The following DGKI variants were observed in gnomAD, a reference collection of about 807,000 sequenced individuals.
DGKI encodes DAG kinase iota.
DGKI carries 55 observed loss-of-function variants against 147.5 expected under a neutral mutation model. The ratio of observed to expected loss-of-function variants is 0.37; its 90% CI spans 0.30 to 0.47. The LOEUF (loss-of-function observed/expected upper bound fraction) is 0.47, where lower values mean the gene tolerates loss of function less well. Among genes scored for constraint, DGKI ranks in the 20% least tolerant of loss-of-function variants. The pLI is 1.00. For synonymous variants in DGKI, 469 were observed against 477.1 expected (o/e 0.98, Z 0.22); for missense variants, 1,007 against 1,323.8 (o/e 0.76, Z 3.71).
At chr7:137,605,371 AAAAT>A (rs1820147504) in intron 10 of DGKI, among the ~76,000 whole-genome samples, 1 of 144,718 alleles carries the variant, frequency 6.9e-6, no homozygotes, top group African/African-American at 2.6e-5. Context: ...AAAATAAAAT[AAAAT>A]AAAAAAAGTT....
chr7:137,580,136 TTTAGACC>T (rs1819138379), intron 15 of DGKI, among the ~76,000 whole-genome samples: 1 of 152,114 alleles, frequency 6.6e-6, no homozygotes, highest in Non-Finnish European at 1.5e-5. Flanking sequence ...CACTTATTCA[TTTAGACC>T]TCTTTTCATG....
chr7:137,747,410 C>T (rs578023517), intron 1 of DGKI, among the ~76,000 whole-genome samples: 5 of 152,214 alleles, frequency 3.3e-5, no homozygotes, highest in South Asian at 2.1e-4. Context: ...AACATAAGGC[C>T]GATTCACACT....
At chr7:137,828,934 G>A (rs1478854666) in intron 1 of DGKI, among the ~76,000 whole-genome samples, 1 of 152,184 alleles carries the variant, frequency 6.6e-6, no homozygotes, top group Non-Finnish European at 1.5e-5. Context: ...ATAACCTGAA[G>A]CTACACATCC....
chr7:137,517,323 GAA>G (rs1339769556), intron 21 of DGKI, among the ~76,000 whole-genome samples: 85 of 99,768 alleles, frequency 8.5e-4, no homozygotes, highest in East Asian at 2.8e-3. Context: ...AAGAAAGAAA[GAA>G]AGAAAGAAAG....
chr7:137,714,068 G>A (rs1043523036), intron 1 of DGKI, among the ~76,000 whole-genome samples: 1 of 152,140 alleles, frequency 6.6e-6, no homozygotes, highest in African/African-American at 2.4e-5. Flanking sequence ...CTTACTATCT[G>A]TGGTATAATT....
intron 20 of DGKI, among the ~76,000 whole-genome samples, chr7:137,544,472 T>C (rs1817802152): frequency 1.3e-5 from 2 of 152,206 alleles, no homozygotes; most frequent in East Asian, 1.9e-4. Flanking sequence ...TGCTTACCAC[T>C]AGACACAGAG....
intron 1 of DGKI, among the ~76,000 whole-genome samples, chr7:137,796,718 G>A (rs1365067972): frequency 1.3e-5 from 2 of 152,022 alleles, no homozygotes; most frequent in Non-Finnish European, 2.9e-5. Context: ...GCGGACAGAA[G>A]AAAGAATTAA....
In DGKI at chr7:137,462,853, G is replaced by A. The variant is rs539135359; in HGVS notation, c.2735+636C>T. ...GAGATGATAGGGAGGTGGATTCACC[G>A]AGCACAAAGGTATCGACACTGCTGT... On this transcript the variant is annotated intron_variant, in intron 27 of 32. Transcript: ENST00000614521. 5.3e-5 allele frequency among the ~76,000 whole-genome samples: 8 copies of A among 152,254 alleles called. No homozygotes were observed. In the South Asian group the frequency reaches 1.2e-3, roughly 24 times the overall value.
At chr7:137,541,669 T>G (rs1490756581) in intron 20 of DGKI, among the ~76,000 whole-genome samples, 1 of 152,160 alleles carries the variant, frequency 6.6e-6, no homozygotes, top group Non-Finnish European at 1.5e-5. Flanking sequence ...AAGATAATTT[T>G]TTCATAAATG....
intron 1 of DGKI, among the ~76,000 whole-genome samples, chr7:137,715,074 T>C (rs12056089): frequency 0.37 from 55,503 of 152,054 alleles, 10,461 homozygotes; most frequent in South Asian, 0.5. Flanking sequence ...TCCCATAATA[T>C]AATCACCCCT....
Position 137,846,450 on chromosome 7 carries a change from C to G in DGKI, c.401+12G>C, listed in dbSNP as rs1399588135. ...GGCGCACCTGTCTCGGCTGCCGGCT[C>G]CCCGCACCTACCTGTACGAGACCTG... On this transcript the variant is annotated intron_variant, in intron 1 of 32. Transcript: ENST00000614521. The surrounding 1 kb of genome is among the most constrained non-coding windows in gnomAD (Gnocchi z 4.0). The G allele has an allele frequency of 1.3e-6, 2 of 1,577,054 alleles. No homozygotes were observed. The highest frequency in any genetic ancestry group is 2.2e-5 in the South Asian group (2 of 90,514).
chr7:137,420,653 C>T (rs1466378819), intron 28 of DGKI, among the ~76,000 whole-genome samples: 4 of 151,984 alleles, frequency 2.6e-5, no homozygotes, highest in Non-Finnish European at 5.9e-5. Context: ...AGGGGGAAGA[C>T]CAGGCAATGG....
chr7:137,722,782 C>G (rs781559060), intron 1 of DGKI: 102 of 1,381,386 alleles, frequency 7.4e-5, no homozygotes, highest in Non-Finnish European at 9.6e-5. Flanking sequence ...AGCTATTCCT[C>G]AGCTCCAGGG....
At chr7:137,716,062 G>A (rs1186422113) in intron 1 of DGKI, among the ~76,000 whole-genome samples, 1 of 152,196 alleles carries the variant, frequency 6.6e-6, no homozygotes, top group Non-Finnish European at 1.5e-5. Flanking sequence ...GCAAGAGTTT[G>A]AAGCTCTGAA....
rs892994996 is a variant in DGKI, at chr7:137,383,627, C to T, written c.*7593G>A. 6.6e-6 allele frequency: 1 copy of T among 151,928 alleles called. No individual in the cohort carries two copies. Among genetic ancestry groups the T allele is most frequent in the Non-Finnish European group, 1.5e-5 (1 of 67,904 alleles). The allele number at this position is 151,928 out of a possible 1,614,324, so 9.4% of individuals were successfully genotyped here. A position where few individuals can be genotyped will look rare whatever the true frequency, so the allele number is the denominator to read the frequency against. On this transcript the variant is annotated 3_prime_UTR_variant, in exon 33 of 33. Transcript: ENST00000614521. ...ATCTTCACTTAACTACTAGAAGAAA[C>T]AGTGATAACAACTTCACTGTTTTTC...
At chr7:137,683,443 A>G (rs1019448518) in intron 2 of DGKI, among the ~76,000 whole-genome samples, 2 of 152,028 alleles carry the variant, frequency 1.3e-5, no homozygotes, top group East Asian at 3.9e-4. Context: ...TGGCATCACC[A>G]CAGCTCACTG....
intron 1 of DGKI, among the ~76,000 whole-genome samples, chr7:137,755,496 G>A (rs1296700727): frequency 1.3e-5 from 2 of 152,190 alleles, no homozygotes; most frequent in African/African-American, 4.8e-5. Context: ...TGAGATCTTT[G>A]CCTTGGTCAC....
At chr7:137,450,703 C>T (rs1368739191) in intron 27 of DGKI, among the ~76,000 whole-genome samples, 1 of 151,984 alleles carries the variant, frequency 6.6e-6, no homozygotes, top group East Asian at 1.9e-4. Context: ...GCCTGGACAA[C>T]AAGAGCGAAA....
At chr7:137,831,422 G>C (rs559381016) in intron 1 of DGKI, among the ~76,000 whole-genome samples, 1 of 152,166 alleles carries the variant, frequency 6.6e-6, no homozygotes, top group Non-Finnish European at 1.5e-5. Context: ...CGTGGCAGAC[G>C]GCAAGGAGGA....
Sources: gnomAD v4.1 joint callset for allele counts (sites outside exome capture counted in the v4.1 genomes callset) on GRCh38, gnomAD v4.1.1 for gene constraint, Gnocchi (gnomAD v3.1) non-coding constraint, MANE v1.5 for transcripts, NCBI Gene and HGNC (gene_info 2026-07-23, HGNC 2026-07-21) for gene names.